Variants in TRMT44 observed in about 807,000 individuals in gnomAD.
The protein encoded by TRMT44 is probable tRNA (uracil-O(2)-)-methyltransferase.
Under a neutral mutation model 77.3 loss-of-function variants are expected in TRMT44, and 78 were observed. The observed-to-expected ratio is 1.01, with a 90% CI of 0.84 to 1.22. The LOEUF (loss-of-function observed/expected upper bound fraction) is 1.22, where lower values mean the gene tolerates loss of function less well. Among genes scored for constraint, TRMT44 ranks in the 50% most tolerant of loss-of-function variants. The pLI is 0.00. For missense variants in TRMT44, 1,090 were observed against 964.4 expected (o/e 1.13, Z -1.73); for synonymous variants, 391 against 383.3 (o/e 1.02, Z -0.23).
At chr4:8,487,506 G>T (rs1727848654) in intron 2 of TRMT44, among the ~76,000 whole-genome samples, 1 of 151,800 alleles carries the variant, frequency 6.6e-6, no homozygotes, top group South Asian at 2.1e-4. Context: ...AGGTCGGGGT[G>T]CAGAAATAAG....
chr4:8,471,492 A>G (rs1726995040), intron 10 of TRMT44, among the ~76,000 whole-genome samples: 1 of 152,234 alleles, frequency 6.6e-6, no homozygotes, highest in African/African-American at 2.4e-5. Context: ...TGCTCCACGC[A>G]GGACAGAGCA....
intron 9 of TRMT44, chr4:8,468,682 G>T (rs779903346): frequency 1.9e-6 from 1 of 517,266 alleles, no homozygotes. Flanking sequence ...CAAGCAAAAT[G>T]CACTGTCCCC....
Position 8,464,019 on chromosome 4 carries a change from T to C in TRMT44, c.1238T>C (p.Phe413Ser). 5.0e-6 allele frequency: 8 copies of C among 1,614,156 alleles called. No homozygotes were observed. Among genetic ancestry groups the C allele is most frequent in the Non-Finnish European group, 6.8e-6 (8 of 1,180,006 alleles). The part of the protein sequence containing the change: ...DAITPNDKTL[F>S]PDVDWLIGNH... ...ATCACACCCAATGATAAGACCCTTTTCCCTGATGTTGATTGGTTAATCGGT... is the reference window on the plus strand; with the variant it reads ...ATCACACCCAATGATAAGACCCTTTCCCCTGATGTTGATTGGTTAATCGGT... The change falls in exon 7 of 11, where the codon TTC (phenylalanine) becomes TCC (serine). Residue 413 changes from phenylalanine to serine, a missense_variant. Transcript: ENST00000389737.
intron 6 of TRMT44, chr4:8,455,034 G>C (rs552126076): frequency 3.5e-6 from 2 of 573,668 alleles, no homozygotes; most frequent in East Asian, 5.6e-5. Flanking sequence ...TGACCTCCAG[G>C]CAGAAGTGCT....
At chr4:8,450,491 A>G (rs576965059) in intron 3 of TRMT44, among the ~76,000 whole-genome samples, 2 of 152,252 alleles carry the variant, frequency 1.3e-5, no homozygotes, top group African/African-American at 4.8e-5. Context: ...AAACTTAAAT[A>G]TATTTTAAGA....
intron 2 of TRMT44, among the ~76,000 whole-genome samples, chr4:8,485,214 A>C (rs1727765801): frequency 6.6e-6 from 1 of 152,218 alleles, no homozygotes; most frequent in Non-Finnish European, 1.5e-5. Context: ...GAAAGCAAAG[A>C]GAGGCTGGGA....
downstream of TRMT44, among the ~76,000 whole-genome samples, chr4:8,494,753 CTG>C: frequency 6.6e-6 from 1 of 152,092 alleles, no homozygotes; most frequent in Non-Finnish European, 1.5e-5. Context: ...TGGTTGAGGC[CTG>C]TCTCAGATAT....
the TRMT44 span, among the ~76,000 whole-genome samples, chr4:8,515,958 G>A: frequency 6.6e-6 from 1 of 152,168 alleles, no homozygotes; most frequent in African/African-American, 2.4e-5. Flanking sequence ...ACGCCTCTCT[G>A]TGACACCCTC....
chr4:8,462,734 A>G (rs955015547), intron 6 of TRMT44, among the ~76,000 whole-genome samples: 4 of 152,174 alleles, frequency 2.6e-5, no homozygotes, highest in African/African-American at 9.7e-5. Context: ...AAAACAAAAC[A>G]AAAAAACTTC....
Position 8,467,501 on chromosome 4 carries a change from G to A in TRMT44, c.1495-413G>A, listed in dbSNP as rs137987320. The stretch of plus-strand genomic sequence containing the variant: ...ATTTTTATTGATTTATTTATTTTGA[G>A]ATGGAGTTTTTGCTCTTGTCACCCA... On this transcript the variant is annotated intron_variant, in intron 8 of 10. Coordinates refer to ENST00000389737, the MANE Select transcript of TRMT44 (RefSeq NM_152544.3). 6.6e-3 allele frequency among the ~76,000 whole-genome samples: 1,007 copies of A among 152,260 alleles called. 6 individuals are homozygous for A. The highest frequency in any genetic ancestry group is 0.02 in the Middle Eastern group (6 of 294).
chr4:8,446,492 C>T lies in TRMT44; in HGVS notation c.636C>T (p.Thr212=), dbSNP rs1725068233. ...TCTTTCCAGATGTCCTCAATGGAAC[C>T]ATAACGTTTTTGCCTTTGGAAGAAG... is the stretch of plus-strand genomic sequence containing the variant. ...EIVVQDVLNG[T]ITFLPLEEDD... is the part of the protein sequence containing the mutation. Residue 212 remains threonine (T), a synonymous_variant, in exon 2 of 11, where the codon ACC becomes ACT. Coordinates refer to ENST00000389737, the MANE Select transcript of TRMT44 (RefSeq NM_152544.3). The surrounding 1 kb of genome is among the most constrained non-coding windows in gnomAD (Gnocchi z 4.3). The T allele has an allele frequency of 6.5e-7, 1 of 1,535,984 alleles. No individual in the cohort carries two copies. Among genetic ancestry groups the T allele is most frequent in the Non-Finnish European group, 8.7e-7 (1 of 1,146,492 alleles).
At chr4:8,441,548 A>G (rs1004162775) in intron 1 of TRMT44, 107 bp downstream of exon 1, 21 of 1,325,078 alleles carry the variant, frequency 1.6e-5, no homozygotes, top group Non-Finnish European at 2.0e-5. Flanking sequence ...GCGATGTCCT[A>G]GGGAGGTTGT....
intron 6 of TRMT44, among the ~76,000 whole-genome samples, chr4:8,462,514 G>GACTAACATGGTGAAACCCCATCTCT: frequency 6.6e-6 from 1 of 152,252 alleles, no homozygotes; most frequent in East Asian, 1.9e-4. Context: ...AGACCAGCCT[G>GACTAACATGGTGAAACCCCATCTCT]ACTAACATGG....
chr4:8,471,757 C>T (rs1409302209), intron 10 of TRMT44, among the ~76,000 whole-genome samples: 1 of 152,212 alleles, frequency 6.6e-6, no homozygotes, highest in African/African-American at 2.4e-5. Context: ...TATGGGGAGG[C>T]AGGAGGGCCC....
At chr4:8,483,410 GT>G (rs200570464) in intron 2 of TRMT44, among the ~76,000 whole-genome samples, 134 of 149,678 alleles carry the variant, frequency 9.0e-4, no homozygotes, top group Non-Finnish European at 1.7e-3. Flanking sequence ...GGGTTGACAA[GT>G]TTTTTTGGGG....
intron 3 of TRMT44, among the ~76,000 whole-genome samples, chr4:8,450,176 C>T (rs893695665): frequency 1.3e-5 from 2 of 151,764 alleles, no homozygotes; most frequent in East Asian, 3.9e-4. Context: ...CCATGTTGCC[C>T]AGACTGGTCT....
In TRMT44 at chr4:8,451,117, A is replaced by G. The variant is rs371496622; in HGVS notation, c.955-843A>G. Among the ~76,000 whole-genome samples, 578 of 152,104 alleles carry G rather than the reference A, an allele frequency of 3.8e-3. 4 individuals are homozygous for G. The highest frequency in any genetic ancestry group is 6.9e-3 in the Non-Finnish European group (466 of 67,964). ...TCTTGCTCTGTAACAAAAGCACCCCAAAGGTCACAGGCTTAAAGCTGTGAC... is the reference window on the plus strand; with the variant it reads ...TCTTGCTCTGTAACAAAAGCACCCCGAAGGTCACAGGCTTAAAGCTGTGAC... On this transcript the variant is annotated intron_variant, in intron 3 of 10. Coordinates refer to ENST00000389737, the MANE Select transcript of TRMT44 (RefSeq NM_152544.3). The surrounding 1 kb of genome is among the most constrained non-coding windows in gnomAD (Gnocchi z 4.1).
At chr4:8,457,313 T>C (rs1725868116) in intron 6 of TRMT44, among the ~76,000 whole-genome samples, 1 of 152,164 alleles carries the variant, frequency 6.6e-6, no homozygotes, top group Non-Finnish European at 1.5e-5. Flanking sequence ...CACTTGATTG[T>C]ACAAGAAGGC....
rs1726942584 is a variant in TRMT44, at chr4:8,470,874, A to G, written c.1928-210A>G. ...GGCATGTGTGGGGCTGCGTCTTGTC[A>G]GGCTGTGCCACCTTAGCTGGGTGGG... On this transcript the variant is annotated intron_variant, in intron 9 of 10. Transcript: ENST00000389737. 6.1e-6 allele frequency: 3 copies of G among 490,886 alleles called. No homozygotes were observed. The South Asian group carries it at 9.0e-5, about 15-fold the overall frequency. The allele number at this position is 490,886 out of a possible 1,614,324, so 30.4% of individuals were successfully genotyped here.
Sources: gnomAD v4.1 joint callset for allele counts (sites outside exome capture counted in the v4.1 genomes callset) on GRCh38, gnomAD v4.1.1 for gene constraint, Gnocchi (gnomAD v3.1) non-coding constraint, MANE v1.5 for transcripts, NCBI Gene and HGNC (gene_info 2026-07-23, HGNC 2026-07-21) for gene names.